ASPH: variants seen among roughly 807,000 people sequenced by gnomAD.
The protein encoded by ASPH is aspartate beta-hydroxylase.
In ASPH, 100 loss-of-function variants were observed where a neutral mutation model predicts 118.4. The ratio of observed to expected loss-of-function variants is 0.84; its 90% CI spans 0.72 to 1.00. ASPH has a LOEUF of 1.00. ASPH is among the 50% of genes least tolerant of loss of function. ASPH has a pLI of 0.00. For synonymous variants in ASPH, 315 were observed against 325.6 expected, an observed-to-expected ratio of 0.97 and a Z score of 0.35; for missense variants, 920 against 919.5, an observed-to-expected ratio of 1.00 and a Z score of -0.01.
In ASPH at chr8:61,653,549, AG is replaced by A; in HGVS notation, c.415+18del. ...CTCTGGCACACCTGGGCGAGACTCG[AG>A]GATGAGGACAAGCTTACCTGCCTCC... On this transcript the variant is annotated intron_variant, in intron 4 of 24. Coordinates refer to ENST00000379454, the MANE Select transcript of ASPH (RefSeq NM_004318.4). 3.7e-6 allele frequency: 6 copies of A among 1,611,636 alleles called. No individual in the cohort carries two copies. The highest frequency in any genetic ancestry group is 5.1e-6 in the Non-Finnish European group (6 of 1,179,212).
chr8:61,628,584 C>G (rs944041558), intron 13 of ASPH, among the ~76,000 whole-genome samples: 2 of 152,098 alleles, frequency 1.3e-5, no homozygotes, highest in African/African-American at 4.8e-5. Flanking sequence ...GCTTTGTAAG[C>G]TCTAGCTTCC....
intron 3 of ASPH, chr8:61,675,870 C>G (rs1276980885): frequency 7.3e-7 from 1 of 1,372,440 alleles, no homozygotes; most frequent in Non-Finnish European, 9.4e-7. Flanking sequence ...ATGAGGAGTA[C>G]CATTTTCTTC....
At chr8:61,543,750 ATCAG>A (rs1311147768) in intron 21 of ASPH, among the ~76,000 whole-genome samples, 12 of 152,202 alleles carry the variant, frequency 7.9e-5, no homozygotes, top group Non-Finnish European at 1.6e-4. Context: ...AATTCTGGAA[ATCAG>A]TTCGGTCCCT....
intron 15 of ASPH, 122 bp from the exon 16 acceptor site, chr8:61,576,980 G>T: frequency 4.3e-6 from 3 of 704,936 alleles, no homozygotes; most frequent in Non-Finnish European, 6.5e-6. Context: ...TGAGTGTAAA[G>T]ATAGTTTTAT....
At position 61,553,093 on chromosome 8, in the gene ASPH, T is replaced by A; in HGVS notation, c.1564A>T (p.Thr522Ser). ...KEGIESGDPG[T>S]DDGRFYFHLG... ...TGGAAATAAAATCTCCCATCATCAG[T>A]GCCAGGATCTCCGGATTCTATTCCT... The change falls in exon 20 of 25, where the codon ACT (threonine) becomes TCT (serine). Residue 522 changes from threonine to serine, a missense_variant. Physicochemically the swap from Thr to Ser is moderately conservative, Grantham distance 58 (BLOSUM62 1). Transcript: ENST00000379454. 2 of 1,613,656 alleles carry A rather than the reference T, an allele frequency of 1.2e-6. No homozygotes were observed. Among genetic ancestry groups the A allele is most frequent in the African/African-American group, 1.3e-5 (1 of 75,022 alleles).
chr8:61,516,643 A>G (rs1456140231), intron 24 of ASPH, among the ~76,000 whole-genome samples: 3 of 152,176 alleles, frequency 2.0e-5, no homozygotes, highest in Non-Finnish European at 4.4e-5. Flanking sequence ...GTAATAGAAG[A>G]TAGGAATGGG....
At chr8:61,519,476 CCT>C (rs1473478803) in intron 22 of ASPH, among the ~76,000 whole-genome samples, 1 of 152,256 alleles carries the variant, frequency 6.6e-6, no homozygotes, top group African/African-American at 2.4e-5. Flanking sequence ...TATTTTTTCC[CCT>C]GTGACAGGAA....
chr8:61,656,949 T>C (rs774841032), intron 3 of ASPH: 5 of 152,260 alleles, frequency 3.3e-5, no homozygotes, highest in South Asian at 2.1e-4. Context: ...TTGTATGTTG[T>C]ATTTAATCGT....
chr8:61,696,415 C>T (rs192923594), intron 1 of ASPH, among the ~76,000 whole-genome samples: 114 of 152,254 alleles, frequency 7.5e-4, no homozygotes, highest in African/African-American at 2.6e-3. Flanking sequence ...GAGCTACTGC[C>T]CTAGCCCACA....
intron 20 of ASPH, among the ~76,000 whole-genome samples, chr8:61,550,963 T>C (rs1305055200): frequency 6.6e-6 from 1 of 152,118 alleles, no homozygotes; most frequent in Non-Finnish European, 1.5e-5. Context: ...ATCTTGATCC[T>C]GGGAAGACGG....
At chr8:61,504,381 T>G (rs1805615540) in intron 24 of ASPH, among the ~76,000 whole-genome samples, 1 of 152,226 alleles carries the variant, frequency 6.6e-6, no homozygotes, top group African/African-American at 2.4e-5. Context: ...ACTTAAGCCT[T>G]CAAAATTTTA....
At chr8:61,554,114 T>C (rs1032747178) in intron 19 of ASPH, among the ~76,000 whole-genome samples, 1 of 152,156 alleles carries the variant, frequency 6.6e-6, no homozygotes, top group Non-Finnish European at 1.5e-5. Context: ...AGCCATCCTA[T>C]GTCAAAGGAA....
intron 15 of ASPH, chr8:61,578,891 C>T: frequency 6.2e-7 from 1 of 1,612,426 alleles, no homozygotes; most frequent in Non-Finnish European, 8.5e-7. Flanking sequence ...TCAACTTCCT[C>T]AGGCAGCTGT....
At chr8:61,517,769 T>A in intron 23 of ASPH, 108 bp from the exon 24 acceptor site, 1 of 1,375,654 alleles carries the variant, frequency 7.3e-7, no homozygotes. Context: ...AGAGCCTTTG[T>A]AAGATTTAAT....
At chr8:61,646,367 G>A (rs1277467513) in intron 6 of ASPH, among the ~76,000 whole-genome samples, 1 of 152,150 alleles carries the variant, frequency 6.6e-6, no homozygotes, top group East Asian at 1.9e-4. Flanking sequence ...TAAGAATTGT[G>A]TTTTGCTCAC....
At chr8:61,641,090 C>T (rs1280842034) in intron 10 of ASPH, among the ~76,000 whole-genome samples, 1 of 152,152 alleles carries the variant, frequency 6.6e-6, no homozygotes, top group African/African-American at 2.4e-5. Context: ...TTGTTTGAAA[C>T]AGTTTATGTT....
At chr8:61,586,438 G>A (rs894562299) in intron 14 of ASPH, among the ~76,000 whole-genome samples, 1 of 152,204 alleles carries the variant, frequency 6.6e-6, no homozygotes, top group Non-Finnish European at 1.5e-5. Flanking sequence ...TGCAGAGAAT[G>A]ACACCCAATT....
At chr8:61,516,760 G>C (rs1811066840) in intron 24 of ASPH, among the ~76,000 whole-genome samples, 1 of 152,184 alleles carries the variant, frequency 6.6e-6, no homozygotes, top group Non-Finnish European at 1.5e-5. Flanking sequence ...TCTAGGGACA[G>C]AGATTATCAG....
At chr8:61,651,189 C>G in intron 4 of ASPH, 65 bp from the exon 5 acceptor site, 1 of 1,327,332 alleles carries the variant, frequency 7.5e-7, no homozygotes, top group Non-Finnish European at 1.1e-6. Context: ...CCCTAACACT[C>G]AAATATGACA....
Sources: allele counts gnomAD v4.1 joint callset (sites outside exome capture counted in the v4.1 genomes callset), GRCh38; gene constraint gnomAD v4.1.1; transcripts MANE v1.5; gene names NCBI Gene and HGNC (gene_info 2026-07-23, HGNC 2026-07-21).